The following MGAT4A variants were observed in gnomAD, a reference collection of about 807,000 sequenced individuals.
MGAT4A encodes N-acetylglucosaminyltransferase IVa.
In MGAT4A, 33 loss-of-function variants were observed where a neutral mutation model predicts 74.1. That is an observed-to-expected ratio of 0.45 (90% CI 0.34 to 0.60). The LOEUF is 0.60. Among genes scored for constraint, MGAT4A ranks in the 20% least tolerant of loss-of-function variants. The pLI is 0.02. For synonymous variants in MGAT4A, 198 were observed against 210.4 expected (o/e 0.94, Z 0.51); for missense variants, 479 against 628.3 (o/e 0.76, Z 2.54).
Position 98,625,064 on chromosome 2 carries a change from C to A in MGAT4A, c.*502G>T, listed in dbSNP as rs1701124302. 1 of 978,306 alleles carries A rather than the reference C, an allele frequency of 1.0e-6. No homozygotes were observed. The highest frequency in any genetic ancestry group is 1.2e-6 in the Non-Finnish European group (1 of 823,498). The allele number at this position is 978,306 out of a possible 1,614,324, so 60.6% of individuals were successfully genotyped here. A position where few individuals can be genotyped will look rare whatever the true frequency, so the allele number is the denominator to read the frequency against. On this transcript the variant is annotated 3_prime_UTR_variant, in exon 16 of 16. Coordinates refer to ENST00000393487, the MANE Select transcript of MGAT4A (RefSeq NM_012214.3). Reference sequence around the variant, plus strand: ...GGAAACTGGTTTTCAAAAAAAGTATCGATTCAAAAATCTACTGCACAAAAA... The same window carrying A: ...GGAAACTGGTTTTCAAAAAAAGTATAGATTCAAAAATCTACTGCACAAAAA...
At chr2:98,696,368 G>A (rs1393680685) in intron 2 of MGAT4A, among the ~76,000 whole-genome samples, 1 of 152,216 alleles carries the variant, frequency 6.6e-6, no homozygotes, top group Non-Finnish European at 1.5e-5. Context: ...ACATATTGTA[G>A]AGGTCATGTA....
At chr2:98,659,726 G>T (rs185025704) in intron 5 of MGAT4A, among the ~76,000 whole-genome samples, 1 of 151,856 alleles carries the variant, frequency 6.6e-6, no homozygotes, top group Non-Finnish European at 1.5e-5. Flanking sequence ...CATGCCTTTC[G>T]CCTTCTGCCA....
intron 14 of MGAT4A, among the ~76,000 whole-genome samples, chr2:98,632,470 C>T (rs1701254829): frequency 6.6e-6 from 1 of 152,250 alleles, no homozygotes; most frequent in African/African-American, 2.4e-5. Flanking sequence ...TTAAACTTTC[C>T]ACTGGGATCC....
In MGAT4A at chr2:98,640,201, G is replaced by A; in HGVS notation, c.1048C>T (p.Leu350=). The change falls in exon 11 of 16, where the codon CTG becomes TTG. Residue 350 remains leucine (L), a synonymous_variant. Coordinates refer to ENST00000393487, the MANE Select transcript of MGAT4A (RefSeq NM_012214.3). ...AGGGAAGGTCTGAAGCGAATTCGCA[G>A]ATTTGCTTTCTGTCTATCACAATGT... The part of the protein sequence containing the change: ...AKHCDRQKAN[L]RIRFRPSLFQ... The A allele has an allele frequency of 1.2e-6, 2 of 1,613,872 alleles. No homozygotes were observed. The highest frequency in any genetic ancestry group is 1.7e-6 in the Non-Finnish European group (2 of 1,179,826).
At chr2:98,697,437 A>G (rs564741432) in intron 2 of MGAT4A, among the ~76,000 whole-genome samples, 2 of 152,258 alleles carry the variant, frequency 1.3e-5, no homozygotes, top group East Asian at 3.9e-4. Context: ...CACAGGGGAG[A>G]TCTTTGTGGT....
At chr2:98,724,663 A>G (rs1335109044) in intron 2 of MGAT4A, among the ~76,000 whole-genome samples, 1 of 152,138 alleles carries the variant, frequency 6.6e-6, no homozygotes, top group Non-Finnish European at 1.5e-5. Context: ...GCTTATTATA[A>G]GGCCTTTACA....
chr2:98,627,575 C>T (rs1701164608), intron 14 of MGAT4A, among the ~76,000 whole-genome samples: 1 of 152,168 alleles, frequency 6.6e-6, no homozygotes, highest in Non-Finnish European at 1.5e-5. Flanking sequence ...GGGGTTTCAC[C>T]ATGCTGGCCA....
intron 8 of MGAT4A, among the ~76,000 whole-genome samples, chr2:98,648,917 C>T (rs978160843): frequency 6.6e-6 from 1 of 151,922 alleles, no homozygotes. Flanking sequence ...ATGCCTTAGT[C>T]CCAGCTTCCT....
intron 2 of MGAT4A, among the ~76,000 whole-genome samples, chr2:98,715,070 C>T (rs1054369272): frequency 2.0e-5 from 3 of 152,014 alleles, no homozygotes; most frequent in Non-Finnish European, 4.4e-5. Flanking sequence ...GATCCCAGCA[C>T]TTTGGGAGGC....
In MGAT4A at chr2:98,625,328, T is replaced by G; in HGVS notation, c.*238A>C. On this transcript the variant is annotated 3_prime_UTR_variant, in exon 16 of 16. Coordinates refer to ENST00000393487, the MANE Select transcript of MGAT4A (RefSeq NM_012214.3). ...TATAATACCAAAATAGTACAAGTCA[T>G]ATTAACAGGCTGTCATAATTGAAAA... is the stretch of plus-strand genomic sequence containing the variant. The G allele has an allele frequency of 7.8e-7, 1 of 1,290,152 alleles. No homozygotes were observed. Among genetic ancestry groups the G allele is most frequent in the South Asian group, 1.9e-5 (1 of 53,916 alleles). The allele number at this position is 1,290,152 out of a possible 1,614,324, so 79.9% of individuals were successfully genotyped here.
At position 98,645,418 on chromosome 2, in the gene MGAT4A, CT is replaced by C; in HGVS notation, c.889+9del. 6.5e-7 allele frequency: 1 copy of C among 1,535,060 alleles called. No homozygotes were observed. The highest frequency in any genetic ancestry group is 8.7e-7 in the Non-Finnish European group (1 of 1,143,880). Reference sequence around the variant, plus strand: ...TTATGAAAAGTAGGTAAGTGTGACACTTTTCTTACCAATGAAGCCCAGCTGG... The same window carrying C: ...TTATGAAAAGTAGGTAAGTGTGACACTTTCTTACCAATGAAGCCCAGCTGG... On this transcript the variant is annotated intron_variant, in intron 9 of 15. Transcript: ENST00000393487.
rs987244964 is a variant in MGAT4A at position 98,660,408 on chromosome 2, A to G, written c.538-2144T>C. On this transcript the variant is annotated intron_variant, in intron 5 of 15. Transcript: ENST00000393487. Reference sequence around the variant, plus strand: ...CATATATAACCACACACACACACACACACGCACGCGCACACACACACACAC... The same window carrying G: ...CATATATAACCACACACACACACACGCACGCACGCGCACACACACACACAC... Among the ~76,000 whole-genome samples the G allele has an allele frequency of 9.6e-4, 127 of 131,676 alleles. 2 individuals are homozygous for G. The highest frequency in any genetic ancestry group is 7.4e-3 in the Middle Eastern group (2 of 272). The allele number at this position is 131,676 out of a possible 152,430, so 86.4% of individuals were successfully genotyped here.
intron 2 of MGAT4A, among the ~76,000 whole-genome samples, chr2:98,716,397 C>T (rs1301687083): frequency 6.6e-6 from 1 of 152,150 alleles, no homozygotes; most frequent in Non-Finnish European, 1.5e-5. Flanking sequence ...GCGGGTAGAT[C>T]ACCTGAGGTC....
At chr2:98,707,105 C>T (rs563223550) in intron 2 of MGAT4A, among the ~76,000 whole-genome samples, 1 of 152,140 alleles carries the variant, frequency 6.6e-6, no homozygotes, top group South Asian at 2.1e-4. Flanking sequence ...GTCCCAGCTG[C>T]TTGGAAGGCT....
At chr2:98,699,101 G>T (rs1251869041) in intron 2 of MGAT4A, among the ~76,000 whole-genome samples, 9 of 152,186 alleles carry the variant, frequency 5.9e-5, no homozygotes, top group Non-Finnish European at 1.3e-4. Flanking sequence ...AAGTTTGGAA[G>T]AAACCAGGTA....
intron 2 of MGAT4A, among the ~76,000 whole-genome samples, chr2:98,724,212 CA>C (rs552245647): frequency 2.6e-5 from 4 of 151,302 alleles, no homozygotes; most frequent in African/African-American, 4.8e-5. Flanking sequence ...GAAAAAACAA[CA>C]AAAAAAAACC....
intron 2 of MGAT4A, among the ~76,000 whole-genome samples, chr2:98,722,564 A>G (rs966997635): frequency 6.6e-6 from 1 of 152,210 alleles, no homozygotes; most frequent in Non-Finnish European, 1.5e-5. Flanking sequence ...GGACAGTAAT[A>G]GCTAAAGGGT....
At chr2:98,648,697 T>C (rs1190729099) in intron 8 of MGAT4A, among the ~76,000 whole-genome samples, 4 of 146,700 alleles carry the variant, frequency 2.7e-5, no homozygotes, top group Non-Finnish European at 6.0e-5. Flanking sequence ...ACTCCAGCCT[T>C]GGCAAGAGAG....
Position 98,623,247 on chromosome 2 carries a change from T to A in MGAT4A, c.*2319A>T. 1.0e-6 allele frequency: 1 copy of A among 985,406 alleles called. No homozygotes were observed. The highest frequency in any genetic ancestry group is 1.7e-5 in the African/African-American group (1 of 57,336). 61.0% of individuals were successfully genotyped at this position (985,406 alleles called of 1,614,324 possible). On this transcript the variant is annotated 3_prime_UTR_variant, in exon 16 of 16. Coordinates refer to ENST00000393487, the MANE Select transcript of MGAT4A (RefSeq NM_012214.3). Reference sequence around the variant, plus strand: ...TTGGGAACAACAGGTGGACCAATGCTGGGAGGGCAAACTGCATGAAAACAG... The same window carrying A: ...TTGGGAACAACAGGTGGACCAATGCAGGGAGGGCAAACTGCATGAAAACAG...
Sources: allele counts gnomAD v4.1 joint callset (sites outside exome capture counted in the v4.1 genomes callset), GRCh38; gene constraint gnomAD v4.1.1; transcripts MANE v1.5; gene names NCBI Gene and HGNC (gene_info 2026-07-23, HGNC 2026-07-21).